Variants in PRKAG2 observed in about 807,000 individuals in gnomAD.
PRKAG2 encodes protein kinase AMP-activated non-catalytic subunit gamma 2, also known as 5'-AMP-activated protein kinase subunit gamma-2.
PRKAG2 carries 26 observed loss-of-function variants against 69.6 expected under a neutral mutation model. That is an observed-to-expected ratio of 0.37 (90% CI 0.27 to 0.52). The LOEUF (loss-of-function observed/expected upper bound fraction) is 0.52, where lower values mean the gene tolerates loss of function less well. PRKAG2 is among the 20% of genes least tolerant of loss of function. The pLI, the probability that PRKAG2 is intolerant of heterozygous loss-of-function variation, is 0.90. For missense variants in PRKAG2, 557 were observed against 740.0 expected (o/e 0.75, Z 2.87); for synonymous variants, 293 against 285.0 (o/e 1.03, Z -0.28).
At chr7:151,693,494 C>T (rs1241840894) in intron 3 of PRKAG2, among the ~76,000 whole-genome samples, 1 of 152,242 alleles carries the variant, frequency 6.6e-6, no homozygotes, top group Admixed American at 6.5e-5. Context: ...GCAATGGCTG[C>T]ACCTTGAGAG....
intron 3 of PRKAG2, among the ~76,000 whole-genome samples, chr7:151,717,140 G>A (rs550537139): frequency 1.4e-4 from 22 of 152,044 alleles, no homozygotes; most frequent in Admixed American, 2.6e-4. Context: ...CCAGCTACTC[G>A]GAAGGTTGAG....
At chr7:151,601,478 C>A (rs1183089247) in intron 5 of PRKAG2, among the ~76,000 whole-genome samples, 1 of 152,044 alleles carries the variant, frequency 6.6e-6, no homozygotes, top group Non-Finnish European at 1.5e-5. Context: ...CAAAGCTGAT[C>A]CTGAGACCAT....
chr7:151,824,735 G>A (rs1003122697), intron 1 of PRKAG2, among the ~76,000 whole-genome samples: 3 of 152,222 alleles, frequency 2.0e-5, no homozygotes, highest in African/African-American at 7.2e-5. Flanking sequence ...AGCTGTCGGT[G>A]ATGCATGTAC....
intron 6 of PRKAG2, among the ~76,000 whole-genome samples, chr7:151,589,422 G>C (rs189156390): frequency 1.3e-5 from 2 of 152,284 alleles, no homozygotes; most frequent in East Asian, 3.9e-4. Context: ...TTTGGATTCG[G>C]GTCTCAGATT....
intron 4 of PRKAG2, among the ~76,000 whole-genome samples, chr7:151,671,210 T>C (rs545327310): frequency 6.6e-6 from 1 of 151,082 alleles, no homozygotes; most frequent in Non-Finnish European, 1.5e-5. Flanking sequence ...GAGTGCTGTC[T>C]TCTAAAGACT....
intron 1 of PRKAG2, among the ~76,000 whole-genome samples, chr7:151,845,447 T>C (rs1466506300): frequency 8.5e-6 from 1 of 117,658 alleles, no homozygotes; most frequent in African/African-American, 3.4e-5. Context: ...TCAGACCTAC[T>C]GAACGGAAAA....
intron 3 of PRKAG2, among the ~76,000 whole-genome samples, chr7:151,759,267 C>CTCACCACTGGCCAAATGTCTCCATG (rs2075281017): frequency 6.6e-6 from 1 of 152,218 alleles, no homozygotes; most frequent in South Asian, 2.1e-4. Flanking sequence ...CTGGCTCCAT[C>CTCACCACTGGCCAAATGTCTCCATG]TCACCACTGG....
chr7:151,632,425 A>T lies in PRKAG2; in HGVS notation c.685-287T>A, dbSNP rs1317660694. 1 of 524,900 alleles carries T rather than the reference A, an allele frequency of 1.9e-6. No homozygotes were observed. Among genetic ancestry groups the T allele is most frequent in the Non-Finnish European group, 2.4e-6 (1 of 410,664 alleles). The allele number at this position is 524,900 out of a possible 1,614,324, so 32.5% of individuals were successfully genotyped here. On this transcript the variant is annotated intron_variant, in intron 4 of 15. Coordinates refer to ENST00000287878, the MANE Select transcript of PRKAG2 (RefSeq NM_016203.4). This position sits in a 1 kb window ranked among gnomAD's most constrained non-coding sequence, Gnocchi z 4.2. ...CCTTGGTACGGCCCGCCCGGGAGGA[A>T]GCGTGGGAAGGGACCCGGGAGCTCG...
chr7:151,838,628 G>A (rs2079200883), intron 1 of PRKAG2, among the ~76,000 whole-genome samples: 1 of 150,988 alleles, frequency 6.6e-6, no homozygotes, highest in Admixed American at 6.6e-5. Flanking sequence ...GACCGCTGGA[G>A]CCAGGGAAGT....
intron 1 of PRKAG2, among the ~76,000 whole-genome samples, chr7:151,855,460 ACACACACCATGCTC>A (rs561850525): frequency 0.18 from 4,405 of 24,328 alleles, 867 homozygotes; most frequent in South Asian, 0.26. Context: ...ACCATCCTCC[ACACACACCATGCTC>A]CACACACCAC....
chr7:151,592,441 C>T (rs908314679), intron 6 of PRKAG2, among the ~76,000 whole-genome samples: 1 of 152,126 alleles, frequency 6.6e-6, no homozygotes, highest in Non-Finnish European at 1.5e-5. Context: ...CTCAAGAGAC[C>T]GAAGATGGAA....
chr7:151,871,925 G>A (rs1442463153), intron 1 of PRKAG2, among the ~76,000 whole-genome samples: 2 of 152,176 alleles, frequency 1.3e-5, no homozygotes, highest in Non-Finnish European at 2.9e-5. Context: ...GTCCGAGGAG[G>A]CCACCAAATG....
intron 3 of PRKAG2, among the ~76,000 whole-genome samples, chr7:151,750,096 CAAAAAAAA>C (rs35915808): frequency 3.6e-4 from 23 of 63,024 alleles, no homozygotes; most frequent in Non-Finnish European, 1.0e-4. Flanking sequence ...GACTCCATCT[CAAAAAAAA>C]AAAAAAAAAA....
intron 1 of PRKAG2, among the ~76,000 whole-genome samples, 195 bp downstream of exon 1, chr7:151,876,312 G>A (rs565043681): frequency 1.7e-4 from 26 of 152,162 alleles, no homozygotes; most frequent in African/African-American, 6.0e-4. Flanking sequence ...GGCTGCACGC[G>A]GGCAGAGAGA....
At chr7:151,728,922 G>A (rs1798445718) in intron 3 of PRKAG2, among the ~76,000 whole-genome samples, 2 of 152,132 alleles carry the variant, frequency 1.3e-5, no homozygotes, top group Admixed American at 6.5e-5. Context: ...TCAGAAAAGG[G>A]AAAGGGGCAC....
rs1278371918 is a variant in PRKAG2, at chr7:151,614,597, T to C, written c.754+17472A>G. On this transcript the variant is annotated intron_variant, in intron 5 of 15. Transcript: ENST00000287878. This position sits in a 1 kb window ranked among gnomAD's most constrained non-coding sequence, Gnocchi z 4.4. ...TCACCAGCTTGCTTCCCGCTCTCTC[T>C]CCCCATCTCCACTTGACCTTGTGGT... Among the ~76,000 whole-genome samples, 2 of 152,006 alleles carry C rather than the reference T, an allele frequency of 1.3e-5. No homozygotes were observed. Among genetic ancestry groups the C allele is most frequent in the East Asian group, 1.9e-4 (1 of 5,162 alleles).
intron 4 of PRKAG2, among the ~76,000 whole-genome samples, chr7:151,669,562 G>A (rs1831520343): frequency 6.6e-6 from 1 of 152,114 alleles, no homozygotes; most frequent in Non-Finnish European, 1.5e-5. Context: ...CTTTTCACCT[G>A]CCATACATTT....
intron 3 of PRKAG2, among the ~76,000 whole-genome samples, chr7:151,684,678 G>T (rs1834437812): frequency 2.0e-5 from 3 of 152,140 alleles, no homozygotes; most frequent in Admixed American, 2.0e-4. Flanking sequence ...CACACCTGAA[G>T]TTCAAGCTGC....
intron 1 of PRKAG2, among the ~76,000 whole-genome samples, chr7:151,819,661 G>C (rs534296456): frequency 7.6e-4 from 116 of 152,232 alleles, no homozygotes; most frequent in African/African-American, 2.6e-3. Context: ...ACCAACCCCC[G>C]CAAAGGATAA....
Sources: gnomAD v4.1 joint callset for allele counts (sites outside exome capture counted in the v4.1 genomes callset) on GRCh38, gnomAD v4.1.1 for gene constraint, Gnocchi (gnomAD v3.1) non-coding constraint, MANE v1.5 for transcripts, NCBI Gene and HGNC (gene_info 2026-07-23, HGNC 2026-07-21) for gene names.